RAB11FIP5: variants seen among roughly 807,000 people sequenced by gnomAD.
RAB11FIP5 encodes RAB11 family interacting protein 5.
RAB11FIP5 carries 48 observed loss-of-function variants against 85.1 expected under a neutral mutation model. That is an observed-to-expected ratio of 0.56 (90% CI 0.45 to 0.72). The LOEUF (loss-of-function observed/expected upper bound fraction) is 0.72. Among genes scored for constraint, RAB11FIP5 ranks in the 30% least tolerant of loss-of-function variants. RAB11FIP5 has a pLI of 0.00. For synonymous variants in RAB11FIP5, 729 were observed against 727.3 expected (o/e 1.00, Z -0.04); for missense variants, 1,491 against 1,687.0 (o/e 0.88, Z 2.04).
At position 73,088,360 on chromosome 2, in the gene RAB11FIP5, G is replaced by C. The variant is rs1001677387; in HGVS notation, c.1258C>G (p.Pro420Ala). ...AKVLAPGASHPGEEEGARLPE... is the reference protein window; with the variant it reads ...AKVLAPGASHAGEEEGARLPE... ...AGCCGGGCCCCCTCCTCCTCTCCAG[G>C]GTGGCTGGCCCCAGGGGCCAGGACT... The change falls in exon 3 of 6, where the codon CCT becomes GCT. Residue 420 changes from proline to alanine, a missense_variant. Pro to Ala is a conservative substitution (Grantham distance 27). Coordinates refer to ENST00000486777, the MANE Select transcript of RAB11FIP5 (RefSeq NM_001371272.1). The C allele has an allele frequency of 1.2e-6, 2 of 1,613,434 alleles. No homozygotes were observed. The highest frequency in any genetic ancestry group is 1.3e-5 in the African/African-American group (1 of 74,852).
At chr2:73,090,884 G>A (rs1414653829) in intron 1 of RAB11FIP5, among the ~76,000 whole-genome samples, 1 of 152,206 alleles carries the variant, frequency 6.6e-6, no homozygotes, top group Non-Finnish European at 1.5e-5. Flanking sequence ...ATAATGTATA[G>A]ACTCTAGTTA....
At chr2:73,103,060 C>G (rs1441151239) in intron 1 of RAB11FIP5, among the ~76,000 whole-genome samples, 1 of 152,220 alleles carries the variant, frequency 6.6e-6, no homozygotes, top group African/African-American at 2.4e-5. Flanking sequence ...CACACACTGG[C>G]ACACAGGAGC....
intron 1 of RAB11FIP5, among the ~76,000 whole-genome samples, chr2:73,097,256 C>G (rs1021667260): frequency 6.6e-6 from 1 of 152,098 alleles, no homozygotes; most frequent in Admixed American, 6.5e-5. Flanking sequence ...ACACTGGTCT[C>G]GAATTCCCGA....
chr2:73,076,757 C>T (rs891016019), intron 4 of RAB11FIP5, among the ~76,000 whole-genome samples: 4 of 152,164 alleles, frequency 2.6e-5, no homozygotes, highest in African/African-American at 9.7e-5. Flanking sequence ...GCTATCATTC[C>T]TAGTCACCTT....
Position 73,112,722 on chromosome 2 carries a change from G to T in RAB11FIP5, c.56C>A (p.Thr19Lys). Residue 19 changes from threonine to lysine, a missense_variant, in exon 1 of 6, where the codon ACG becomes AAG. Physicochemically the swap from Thr to Lys is moderately conservative, Grantham distance 78. Around this residue, in one of 3 missense-constraint regions of RAB11FIP5, gnomAD observed 1,211 missense variants for 1,338.0 expected, o/e 0.91. Transcript: ENST00000486777. ...PAAGPSRWLP[T>K]HVQVTVLRAR... ...CCGCAGCACCGTCACCTGGACGTGC[G>T]TGGGCAGCCAGCGGGAAGGCCCCGC... 1 of 1,531,154 alleles carries T rather than the reference G, an allele frequency of 6.5e-7. No homozygotes were observed. The highest frequency in any genetic ancestry group is 1.2e-5 in the South Asian group (1 of 82,218). 94.8% of individuals were successfully genotyped at this position (1,531,154 alleles called of 1,614,324 possible). A position where few individuals can be genotyped will look rare whatever the true frequency, so the allele number is the denominator to read the frequency against.
Position 73,112,718 on chromosome 2 carries a change from G to A in RAB11FIP5, c.60C>T (p.His20=). The change falls in exon 1 of 6, where the codon CAC becomes CAT. Residue 20 remains histidine, a synonymous_variant. Transcript: ENST00000486777. ...AAGPSRWLPT[H]VQVTVLRARG... is the part of the protein sequence containing the mutation. ...GGGCCCGCAGCACCGTCACCTGGACGTGCGTGGGCAGCCAGCGGGAAGGCC... is the reference window on the plus strand; with the variant it reads ...GGGCCCGCAGCACCGTCACCTGGACATGCGTGGGCAGCCAGCGGGAAGGCC... 2.6e-6 allele frequency: 4 copies of A among 1,537,506 alleles called. No individual in the cohort carries two copies. The highest frequency in any genetic ancestry group is 3.5e-6 in the Non-Finnish European group (4 of 1,143,612).
intron 1 of RAB11FIP5, among the ~76,000 whole-genome samples, chr2:73,104,106 A>G (rs776102543): frequency 3.3e-5 from 5 of 152,242 alleles, no homozygotes; most frequent in Non-Finnish European, 7.3e-5. Flanking sequence ...GGGAGGGAAG[A>G]AAAAACACAA....
rs537831466 is a variant in RAB11FIP5 at position 73,073,501 on chromosome 2, A to C, written c.*2020T>G. The C allele has an allele frequency of 6.5e-6, 1 of 152,796 alleles. No individual in the cohort carries two copies. The highest frequency in any genetic ancestry group is 2.4e-5 in the African/African-American group (1 of 41,582). The allele number at this position is 152,796 out of a possible 1,614,324, so 9.5% of individuals were successfully genotyped here. ...GCAGAACCATGCCTGCTCCCTGCCC[A>C]ACCCACCTGCAACTTTCCTCCAAGT... On this transcript the variant is annotated 3_prime_UTR_variant, in exon 6 of 6. Transcript: ENST00000486777.
intron 1 of RAB11FIP5, among the ~76,000 whole-genome samples, chr2:73,102,496 T>A (rs57701326): frequency 0.35 from 53,613 of 151,516 alleles, 10,626 homozygotes; most frequent in East Asian, 0.56. Flanking sequence ...GTTAAAAAAA[T>A]TTTTTTTTAA....
At chr2:73,102,500 T>C (rs982771101) in intron 1 of RAB11FIP5, among the ~76,000 whole-genome samples, 1 of 152,184 alleles carries the variant, frequency 6.6e-6, no homozygotes, top group African/African-American at 2.4e-5. Context: ...AAAAAATTTT[T>C]TTTTAAGCCT....
chr2:73,102,488 T>TA (rs958998775), intron 1 of RAB11FIP5, among the ~76,000 whole-genome samples: 21 of 152,196 alleles, frequency 1.4e-4, no homozygotes, highest in Non-Finnish European at 2.4e-4. Flanking sequence ...GAGCAGAGGT[T>TA]AAAAAAATTT....
intron 1 of RAB11FIP5, among the ~76,000 whole-genome samples, chr2:73,097,319 G>A (rs912308352): frequency 5.3e-5 from 8 of 152,160 alleles, no homozygotes; most frequent in African/African-American, 1.9e-4. Context: ...TTACAGGCGT[G>A]AGCCACCACG....
chr2:73,101,846 G>A (rs773424292), intron 1 of RAB11FIP5, among the ~76,000 whole-genome samples: 98 of 152,262 alleles, frequency 6.4e-4, no homozygotes, highest in Non-Finnish European at 1.3e-3. Context: ...GGCATGAGTC[G>A]GCGAGATCCC....
intron 4 of RAB11FIP5, among the ~76,000 whole-genome samples, chr2:73,077,511 C>T (rs915551116): frequency 4.8e-4 from 73 of 152,298 alleles, no homozygotes; most frequent in African/African-American, 1.6e-3. Flanking sequence ...GCTTGAGAAT[C>T]CTTTAATGGC....
Position 73,081,488 on chromosome 2 carries a change from T to A in RAB11FIP5, c.1744A>T (p.Thr582Ser), listed in dbSNP as rs1559233061. ...AAATAAAAAT[T>S]AAPEATPPGL... Reference sequence around the variant, plus strand: ...GGTGGGGTGGCTTCAGGGGCGGCGGTGGTGGCGGCAGCGGCAGCAGTGGCA... The same window carrying A: ...GGTGGGGTGGCTTCAGGGGCGGCGGAGGTGGCGGCAGCGGCAGCAGTGGCA... The change falls in exon 4 of 6, where the codon ACC becomes TCC. Residue 582 changes from threonine (T) to serine (S), a missense_variant. Thr to Ser is a moderately conservative substitution (Grantham distance 58). Around this residue, in one of 3 missense-constraint regions of RAB11FIP5, gnomAD observed 1,211 missense variants for 1,338.0 expected, o/e 0.91. Coordinates refer to ENST00000486777, the MANE Select transcript of RAB11FIP5 (RefSeq NM_001371272.1). The surrounding 1 kb of genome is among the most constrained non-coding windows in gnomAD (Gnocchi z 4.2). 8.1e-7 allele frequency: 1 copy of A among 1,233,790 alleles called. No homozygotes were observed. The highest frequency in any genetic ancestry group is 1.6e-5 in the African/African-American group (1 of 64,124). 76.4% of individuals were successfully genotyped at this position (1,233,790 alleles called of 1,614,324 possible). A position where few individuals can be genotyped will look rare whatever the true frequency, so the allele number is the denominator to read the frequency against.
chr2:73,089,804 G>A lies in RAB11FIP5; in HGVS notation c.432-489C>T, dbSNP rs1034611256. The A allele has an allele frequency of 1.2e-5, 3 of 252,386 alleles. No individual in the cohort carries two copies. Among genetic ancestry groups the A allele is most frequent in the Admixed American group, 5.2e-5 (1 of 19,308 alleles). 15.6% of individuals were successfully genotyped at this position (252,386 alleles called of 1,614,324 possible). ...CCAAAGCTCTGCTCCCAGCCACCGTGAGCCCAGGAAAGAACAGCTCACCCA... is the reference window on the plus strand; with the variant it reads ...CCAAAGCTCTGCTCCCAGCCACCGTAAGCCCAGGAAAGAACAGCTCACCCA... On this transcript the variant is annotated intron_variant, in intron 1 of 5. Transcript: ENST00000486777. The surrounding 1 kb of genome is among the most constrained non-coding windows in gnomAD (Gnocchi z 4.6).
In RAB11FIP5 at chr2:73,080,863, C is replaced by G. The variant is rs1683961888; in HGVS notation, c.2369G>C (p.Ser790Thr). Residue 790 changes from serine to threonine, a missense_variant, in exon 4 of 6, where the codon AGC becomes ACC. This residue lies in a region of RAB11FIP5 where 1,211 missense variants were observed against 1,338.0 expected (regional missense o/e 0.91). Transcript: ENST00000486777. ...SPADSGTSLF[S>T]SPEVISVWER... ...CCACACACTGATCACTTCTGGGGAG[C>G]TAAATAGAGATGTCCCACTGTCTGC... 1 of 1,232,380 alleles carries G rather than the reference C, an allele frequency of 8.1e-7. No homozygotes were observed. The highest frequency in any genetic ancestry group is 1.5e-5 in the African/African-American group (1 of 64,538). The allele number at this position is 1,232,380 out of a possible 1,614,324, so 76.3% of individuals were successfully genotyped here.
intron 3 of RAB11FIP5, among the ~76,000 whole-genome samples, chr2:73,082,667 C>A (rs1264105132): frequency 6.6e-6 from 1 of 152,224 alleles, no homozygotes; most frequent in Admixed American, 6.5e-5. Context: ...TCACCAGGGG[C>A]TTCTCAGGGA....
intron 4 of RAB11FIP5, among the ~76,000 whole-genome samples, chr2:73,077,482 T>C (rs778182982): frequency 3.9e-5 from 6 of 152,216 alleles, no homozygotes; most frequent in Admixed American, 6.5e-5. Context: ...TGCAGGATAA[T>C]GATCTCAGCA....
Sources: gnomAD v4.1 joint callset for allele counts (sites outside exome capture counted in the v4.1 genomes callset) on GRCh38, gnomAD v4.1.1 for gene constraint, gnomAD v4.1.1 regional missense constraint, Gnocchi (gnomAD v3.1) non-coding constraint, MANE v1.5 for transcripts, NCBI Gene and HGNC (gene_info 2026-07-23, HGNC 2026-07-21) for gene names.